The following ERBB4 variants were observed in gnomAD, a reference collection of about 807,000 sequenced individuals.
The protein encoded by ERBB4 is erb-b2 receptor tyrosine kinase 4, also known as receptor tyrosine-protein kinase erbB-4.
In ERBB4, 42 loss-of-function variants were observed where a neutral mutation model predicts 158.0. The observed-to-expected ratio is 0.27, with a 90% CI of 0.21 to 0.34. ERBB4 has a LOEUF of 0.34. ERBB4 is among the 10% of genes least tolerant of loss of function. The probability of loss-of-function intolerance (pLI) is 1.00; values close to 1 mark genes in which losing one functional copy is unlikely to be tolerated. For missense variants in ERBB4, 1,333 were observed against 1,624.1 expected, an observed-to-expected ratio of 0.82 and a Z score of 3.08; for synonymous variants, 583 against 558.7, an observed-to-expected ratio of 1.04 and a Z score of -0.61.
intron 25 of ERBB4, among the ~76,000 whole-genome samples, chr2:211,406,497 A>T (rs1420261091): frequency 6.6e-6 from 1 of 152,206 alleles, no homozygotes; most frequent in Admixed American, 6.5e-5. Flanking sequence ...TGATGATAAA[A>T]ACATTCAAAA....
intron 1 of ERBB4, among the ~76,000 whole-genome samples, chr2:212,480,882 AAT>A (rs1056530759): frequency 6.6e-6 from 1 of 152,234 alleles, no homozygotes; most frequent in Non-Finnish European, 1.5e-5. Flanking sequence ...TGCTGGAAGG[AAT>A]ATATGTTTGT....
chr2:211,444,243 A>G (rs550356043), intron 20 of ERBB4, among the ~76,000 whole-genome samples: 5 of 152,178 alleles, frequency 3.3e-5, no homozygotes, highest in African/African-American at 1.2e-4. Context: ...AAGAATTAAA[A>G]AAATCACTAA....
chr2:212,003,571 G>A (rs2076191335), intron 2 of ERBB4, among the ~76,000 whole-genome samples: 1 of 152,012 alleles, frequency 6.6e-6, no homozygotes, highest in Non-Finnish European at 1.5e-5. Context: ...AAGGATCAGA[G>A]GCTACACCCT....
intron 3 of ERBB4, among the ~76,000 whole-genome samples, chr2:211,857,291 A>G (rs1489315538): frequency 6.6e-6 from 1 of 152,122 alleles, no homozygotes; most frequent in Non-Finnish European, 1.5e-5. Flanking sequence ...AATTCCTCCA[A>G]TTAAAAGAAA....
At chr2:212,183,326 T>C (rs115542122) in intron 1 of ERBB4, among the ~76,000 whole-genome samples, 6,428 of 152,056 alleles carry the variant, frequency 0.042, 190 homozygotes, top group South Asian at 0.076. Context: ...AATGCCAATG[T>C]TGAAGCATTA....
chr2:211,662,908 T>C (rs953418456), intron 15 of ERBB4, among the ~76,000 whole-genome samples: 1 of 152,194 alleles, frequency 6.6e-6, no homozygotes, highest in Non-Finnish European at 1.5e-5. Context: ...CATATAGGCA[T>C]ATAAAAGAAA....
intron 2 of ERBB4, among the ~76,000 whole-genome samples, chr2:211,977,768 C>T (rs1229759081): frequency 6.8e-6 from 1 of 147,008 alleles, no homozygotes; most frequent in East Asian, 2.1e-4. Context: ...AGGAGAATCG[C>T]GTGAACCTGG....
At chr2:211,626,191 G>A (rs997866169) in intron 17 of ERBB4, among the ~76,000 whole-genome samples, 2 of 152,210 alleles carry the variant, frequency 1.3e-5, no homozygotes, top group African/African-American at 4.8e-5. Flanking sequence ...CATATTGTAA[G>A]CACTAAATCT....
intron 3 of ERBB4, among the ~76,000 whole-genome samples, chr2:211,838,919 A>T (rs189472137): frequency 8.5e-5 from 13 of 152,078 alleles, no homozygotes; most frequent in African/African-American, 3.1e-4. Context: ...TTTTCTAAGC[A>T]TCCTACTGTG....
intron 1 of ERBB4, among the ~76,000 whole-genome samples, chr2:212,316,047 A>G (rs183973871): frequency 1.3e-3 from 201 of 151,624 alleles, no homozygotes; most frequent in Middle Eastern, 3.4e-3. Context: ...AAAGTTCCAA[A>G]TAACTATGTG....
At chr2:211,843,659 C>T (rs575859317) in intron 3 of ERBB4, among the ~76,000 whole-genome samples, 48 of 118,468 alleles carry the variant, frequency 4.1e-4, no homozygotes, top group African/African-American at 1.4e-3. Flanking sequence ...ATCTTAGTTT[C>T]GTTCTGTGTT....
intron 2 of ERBB4, among the ~76,000 whole-genome samples, chr2:212,003,040 C>T (rs183531689): frequency 4.5e-5 from 6 of 133,796 alleles, no homozygotes; most frequent in Admixed American, 2.4e-4. Context: ...AGCAACAGAG[C>T]GAAACTCTGT....
At chr2:212,272,585 A>G (rs114825520) in intron 1 of ERBB4, among the ~76,000 whole-genome samples, 1,591 of 151,896 alleles carry the variant, frequency 0.01, 30 homozygotes, top group African/African-American at 0.036. Flanking sequence ...ACATCAGACT[A>G]TAATGTCAGC....
chr2:211,553,805 A>G (rs1199023293), intron 20 of ERBB4, among the ~76,000 whole-genome samples: 1 of 152,192 alleles, frequency 6.6e-6, no homozygotes. Context: ...AACTAGTACC[A>G]GACTACACAT....
chr2:212,502,830 G>T (rs1366473874), intron 1 of ERBB4, among the ~76,000 whole-genome samples: 1 of 152,052 alleles, frequency 6.6e-6, no homozygotes, highest in Non-Finnish European at 1.5e-5. Flanking sequence ...AGGTATAGTG[G>T]TACCATCAGG....
chr2:211,733,570 C>T lies in ERBB4; in HGVS notation c.623-8376G>A, dbSNP rs373142013. Among the ~76,000 whole-genome samples, 25 of 150,162 alleles carry T rather than the reference C, an allele frequency of 1.7e-4. 3 individuals carry two copies. The highest frequency in any genetic ancestry group is 5.8e-4 in the African/African-American group (23 of 39,592). ...AAAAAGTCATAATTATATCATAGAT[C>T]TTTCATAAACCAAGAAATATGGAAA... On this transcript the variant is annotated intron_variant, in intron 5 of 27. Coordinates refer to ENST00000342788, the MANE Select transcript of ERBB4 (RefSeq NM_005235.3).
intron 20 of ERBB4, chr2:211,535,792 T>G (rs960474951): frequency 6.6e-6 from 1 of 152,340 alleles, no homozygotes; most frequent in Non-Finnish European, 1.5e-5. Context: ...TAGAGTTTAT[T>G]TACAGTAAAA....
chr2:211,555,308 C>T (rs1197303864), intron 20 of ERBB4, among the ~76,000 whole-genome samples: 3 of 152,136 alleles, frequency 2.0e-5, no homozygotes, highest in Non-Finnish European at 4.4e-5. Context: ...GCCTCAGCCT[C>T]CCTAGTAGCT....
At chr2:211,506,216 G>T (rs910036765) in intron 20 of ERBB4, among the ~76,000 whole-genome samples, 2 of 152,034 alleles carry the variant, frequency 1.3e-5, no homozygotes, top group Admixed American at 1.3e-4. Context: ...TAAGATTTAA[G>T]TATCCCAAAT....
Sources: gnomAD v4.1 joint callset for allele counts (sites outside exome capture counted in the v4.1 genomes callset) on GRCh38, gnomAD v4.1.1 for gene constraint, MANE v1.5 for transcripts, NCBI Gene and HGNC (gene_info 2026-07-23, HGNC 2026-07-21) for gene names.